MRPL27: variants seen among roughly 807,000 people sequenced by gnomAD.
The protein encoded by MRPL27 is mitochondrial ribosomal protein L27, also known as large ribosomal subunit protein bL27m.
Under a neutral mutation model 14.6 loss-of-function variants are expected in MRPL27, and 4 were observed. The observed-to-expected ratio is 0.27, with a 90% CI of 0.14 to 0.63. The LOEUF (loss-of-function observed/expected upper bound fraction) is 0.63, where lower values mean the gene tolerates loss of function less well. MRPL27 is among the 20% of genes least tolerant of loss of function. The probability of loss-of-function intolerance (pLI) is 0.85; values close to 1 mark genes in which losing one functional copy is unlikely to be tolerated. For missense variants in MRPL27, 196 were observed against 192.8 expected (o/e 1.02, Z -0.10); for synonymous variants, 82 against 75.5 (o/e 1.09, Z -0.45).
At chr17:50,368,519 T>A (rs1913030458) in intron 3 of MRPL27, 4 of 605,932 alleles carry the variant, frequency 6.6e-6, no homozygotes, top group Non-Finnish European at 8.7e-6. Context: ...ACAGCCAACA[T>A]GGGCCACTGC....
At chr17:50,370,174 A>T (rs1404046848) in intron 2 of MRPL27, 75 bp from the exon 3 acceptor site, 78 of 1,451,100 alleles carry the variant, frequency 5.4e-5, no homozygotes, top group Non-Finnish European at 2.8e-6. Flanking sequence ...AATGCTGCAC[A>T]CCAACCTCCA....
Position 50,370,606 on chromosome 17 carries a change from A to G in MRPL27, c.41-20T>C, listed in dbSNP as rs1236558729. The G allele has an allele frequency of 6.2e-7, 1 of 1,613,708 alleles. No individual in the cohort carries two copies. The highest frequency in any genetic ancestry group is 1.7e-5 in the Admixed American group (1 of 60,018). On this transcript the variant is annotated intron_variant, in intron 1 of 3. Coordinates refer to ENST00000225969, the MANE Select transcript of MRPL27 (RefSeq NM_016504.3). ...ATGTAACTGCAGAGAAAACAGAAACATTGTTCAGACAGACAGGCTCAAACT... is the reference window on the plus strand; with the variant it reads ...ATGTAACTGCAGAGAAAACAGAAACGTTGTTCAGACAGACAGGCTCAAACT...
rs934000614 is a variant in MRPL27 at position 50,368,175 on chromosome 17, T to C, written c.364A>G (p.Lys122Glu). 3 of 1,614,166 alleles carry C rather than the reference T, an allele frequency of 1.9e-6. No individual in the cohort carries two copies. The highest frequency in any genetic ancestry group is 3.3e-5 in the Admixed American group (2 of 60,022). Residue 122 changes from lysine to glutamate, a missense_variant, in exon 4 of 4, where the codon AAG becomes GAG. Transcript: ENST00000225969. ...EAVDLITRLP[K>E]GAVLYKTFVH... ...AAAGTCTTGTAGAGCACAGCACCCT[T>C]GGGCAGCCTGGTGATCAGATCCACA...
intron 1 of MRPL27, chr17:50,371,029 GT>G (rs1598357558): frequency 1.2e-5 from 2 of 163,076 alleles, no homozygotes; most frequent in East Asian, 3.5e-4. Flanking sequence ...CTTCACTCTT[GT>G]TGCCCAAGCT....
At position 50,373,162 on chromosome 17, in the gene MRPL27, C is replaced by A. The variant is rs113983688; in HGVS notation, c.9G>T (p.Ser3=). Residue 3 remains serine (S), a synonymous_variant, in exon 1 of 4, where the codon TCG becomes TCT. Coordinates refer to ENST00000225969, the MANE Select transcript of MRPL27 (RefSeq NM_016504.3). ...TCCGGGTCCTCAGCGCCAACACCACCGACGCCATGCTTTCGATCACTCACT... is the reference window on the plus strand; with the variant it reads ...TCCGGGTCCTCAGCGCCAACACCACAGACGCCATGCTTTCGATCACTCACT... MA[S]VVLALRTRTA... 3 of 1,612,174 alleles carry A rather than the reference C, an allele frequency of 1.9e-6. No individual in the cohort carries two copies. The South Asian group carries it at 3.3e-5, about 18-fold the overall frequency.
chr17:50,368,400 A>T, intron 3 of MRPL27, 102 bp from the exon 4 acceptor site: 2 of 1,240,818 alleles, frequency 1.6e-6, no homozygotes, highest in Middle Eastern at 2.0e-4. Flanking sequence ...CCTGGGGCTG[A>T]AAGGGTGATC....
In MRPL27 at chr17:50,373,134, C is replaced by A. The variant is rs891776095; in HGVS notation, c.37G>T (p.Ala13Ser). ...SVVLALRTRT[A>S]VTSLLSPTPA... ...TCTGACTACTGCGTCCCATTACCGGCTGTCCGGGTCCTCAGCGCCAACACC... is the reference window on the plus strand; with the variant it reads ...TCTGACTACTGCGTCCCATTACCGGATGTCCGGGTCCTCAGCGCCAACACC... Residue 13 changes from alanine (A) to serine (S), a missense_variant, in exon 1 of 4, where the codon GCC (alanine) becomes TCC (serine). Ala to Ser is a moderately conservative substitution (Grantham distance 99, BLOSUM62 1). Transcript: ENST00000225969. The A allele has an allele frequency of 5.0e-6, 8 of 1,614,094 alleles. 1 individual carries two copies. In the South Asian group the frequency reaches 7.7e-5, roughly 16 times the overall value.
At chr17:50,371,863 T>G (rs1913161465) in intron 1 of MRPL27, among the ~76,000 whole-genome samples, 1 of 152,174 alleles carries the variant, frequency 6.6e-6, no homozygotes, top group African/African-American at 2.4e-5. Context: ...CTCACAAATC[T>G]TTGCTCTTCA....
chr17:50,369,139 GATA>G (rs1913051310), intron 3 of MRPL27: 1 of 436,780 alleles, frequency 2.3e-6, no homozygotes, highest in Non-Finnish European at 4.1e-6. Flanking sequence ...GTCAAATGGG[GATA>G]ATATTAACTA....
intron 3 of MRPL27, 106 bp downstream of exon 3, chr17:50,369,926 G>T: frequency 8.1e-7 from 1 of 1,233,838 alleles, no homozygotes; most frequent in Non-Finnish European, 1.2e-6. Context: ...CACAATGCTT[G>T]CCATTTGGTA....
intron 1 of MRPL27, among the ~76,000 whole-genome samples, chr17:50,371,699 T>C (rs972443651): frequency 1.3e-5 from 2 of 152,298 alleles, no homozygotes; most frequent in Non-Finnish European, 2.9e-5. Flanking sequence ...CACCAGAGAC[T>C]AGCTGGGGCA....
At chr17:50,370,611 TCAGA>T (rs747545169) in intron 1 of MRPL27, 25 bp from the exon 2 acceptor site, 4 of 1,613,584 alleles carry the variant, frequency 2.5e-6, no homozygotes, top group South Asian at 1.1e-5. Flanking sequence ...GAAACATTGT[TCAGA>T]CAGACAGGCT....
chr17:50,368,745 G>A (rs1913037717), intron 3 of MRPL27: 2 of 659,658 alleles, frequency 3.0e-6, no homozygotes, highest in East Asian at 2.7e-5. Flanking sequence ...AAAGCTATAT[G>A]GATAATGCAT....
In MRPL27 at chr17:50,368,097, G is replaced by T; in HGVS notation, c.442C>A (p.Leu148Ile). Residue 148 changes from leucine (L) to isoleucine (I), a missense_variant, in exon 4 of 4, where the codon CTT (leucine) becomes ATT (isoleucine). By Grantham distance (5) the Leu-to-Ile change is conservative. Transcript: ENST00000225969. The part of the protein sequence containing the change: ...PEGTFKLVAM[L>I] ...CCGATGGCCTCAACAGGACATCAAA[G>T]CATAGCTACCAGTTTGAAGGTGCCC... 1 of 1,614,182 alleles carries T rather than the reference G, an allele frequency of 6.2e-7. No homozygotes were observed. Among genetic ancestry groups the T allele is most frequent in the Non-Finnish European group, 8.5e-7 (1 of 1,180,038 alleles).
chr17:50,370,607 T>C (rs1913102961), intron 1 of MRPL27, 21 bp from the exon 2 acceptor site: 15 of 1,613,448 alleles, frequency 9.3e-6, no homozygotes, highest in Middle Eastern at 1.6e-4. Flanking sequence ...AACAGAAACA[T>C]TGTTCAGACA....
intron 1 of MRPL27, among the ~76,000 whole-genome samples, 167 bp from the exon 2 acceptor site, chr17:50,370,753 T>C (rs1913108220): frequency 1.4e-5 from 2 of 145,598 alleles, no homozygotes; most frequent in South Asian, 4.3e-4. Context: ...TCTAAGTCCT[T>C]GGCTTTCTCC....
Position 50,373,150 on chromosome 17 carries a change from C to G in MRPL27, c.21G>C (p.Ala7=), listed in dbSNP as rs2143287582. The G allele has an allele frequency of 6.2e-7, 1 of 1,613,712 alleles. No individual in the cohort carries two copies. Among genetic ancestry groups the G allele is most frequent in the East Asian group, 2.2e-5 (1 of 44,892 alleles). Residue 7 remains alanine (A), a synonymous_variant, in exon 1 of 4, where the codon GCG becomes GCC. Transcript: ENST00000225969. The part of the protein sequence containing the change: MASVVL[A]LRTRTAVTSL... The stretch of plus-strand genomic sequence containing the variant: ...CATTACCGGCTGTCCGGGTCCTCAG[C>G]GCCAACACCACCGACGCCATGCTTT...
At chr17:50,370,656 C>A (rs1191624502) in intron 1 of MRPL27, 70 bp from the exon 2 acceptor site, 3 of 1,599,772 alleles carry the variant, frequency 1.9e-6, no homozygotes, top group African/African-American at 1.3e-5. Flanking sequence ...GGGCCACATG[C>A]TGATACGTGA....
At position 50,368,196 on chromosome 17, in the gene MRPL27, C is replaced by G; in HGVS notation, c.343G>C (p.Asp115His). 12 of 1,614,218 alleles carry G rather than the reference C, an allele frequency of 7.4e-6. No individual in the cohort carries two copies. The highest frequency in any genetic ancestry group is 1.0e-5 in the Non-Finnish European group (12 of 1,180,050). The change falls in exon 4 of 4, where the codon GAT (aspartate) becomes CAT (histidine). Residue 115 changes from aspartate (D) to histidine (H), a missense_variant. Physicochemically the swap from Asp to His is moderately conservative, Grantham distance 81 (BLOSUM62 -1). Transcript: ENST00000225969. ...CCCTTGGGCAGCCTGGTGATCAGAT[C>G]CACAGCCTCCGTGTTTCTGGGATGA... is the stretch of plus-strand genomic sequence containing the variant. Reference protein sequence around the residue: ...VPHPRNTEAVDLITRLPKGAV... With the variant: ...VPHPRNTEAVHLITRLPKGAV...
Sources: gnomAD v4.1 joint callset for allele counts (sites outside exome capture counted in the v4.1 genomes callset) on GRCh38, gnomAD v4.1.1 for gene constraint, MANE v1.5 for transcripts, NCBI Gene and HGNC (gene_info 2026-07-23, HGNC 2026-07-21) for gene names.